KLF17: variants seen among roughly 807,000 people sequenced by gnomAD.
The protein encoded by KLF17 is Krueppel-like factor 17.
Under a neutral mutation model 34.2 loss-of-function variants are expected in KLF17, and 31 were observed. The observed-to-expected ratio is 0.91, with a 90% CI of 0.68 to 1.22. The LOEUF (loss-of-function observed/expected upper bound fraction) is 1.22, where lower values mean the gene tolerates loss of function less well. KLF17 is among the 50% of genes most tolerant of loss of function. The pLI is 0.00. For synonymous variants in KLF17, 179 were observed against 186.7 expected, an observed-to-expected ratio of 0.96 and a Z score of 0.34; for missense variants, 478 against 505.2, an observed-to-expected ratio of 0.95 and a Z score of 0.52.
chr1:44,117,248 C>A (rs2087889101), upstream of KLF17: 1 of 152,064 alleles, frequency 6.6e-6, no homozygotes, highest in Admixed American at 6.6e-5. Context: ...GGTGGTGCCC[C>A]ACTCCTGGGA....
the KLF17 span, among the ~76,000 whole-genome samples, chr1:44,058,821 G>A: frequency 2.8e-3 from 430 of 151,718 alleles, 2 homozygotes; most frequent in African/African-American, 0.01. Context: ...GAAGAGACAC[G>A]TAGAATGCTC....
chr1:44,127,658 C>CTT (rs879618450), intron 1 of KLF17, among the ~76,000 whole-genome samples: 2,197 of 42,080 alleles, frequency 0.052, 82 homozygotes, highest in Non-Finnish European at 0.079. Context: ...TTCTTTCTTT[C>CTT]TTTCTTTCTT....
At chr1:44,091,787 C>T in the KLF17 span, among the ~76,000 whole-genome samples, 3 of 151,434 alleles carry the variant, frequency 2.0e-5, no homozygotes, top group African/African-American at 4.8e-5. Context: ...GGGACCTTAA[C>T]GGTTCTTGAA....
chr1:44,106,067 C>G, the KLF17 span, among the ~76,000 whole-genome samples: 75 of 152,044 alleles, frequency 4.9e-4, 3 homozygotes, highest in South Asian at 0.015. Context: ...AGCAAGCCAT[C>G]CTGCCAGTTT....
At chr1:44,052,031 C>A in the KLF17 span, 1 of 152,132 alleles carries the variant, frequency 6.6e-6, no homozygotes, top group Non-Finnish European at 1.5e-5. Context: ...TTAGAAGTGT[C>A]CAAATTCTTA....
the KLF17 span, among the ~76,000 whole-genome samples, chr1:44,078,100 A>T: frequency 6.6e-6 from 1 of 152,174 alleles, no homozygotes; most frequent in Admixed American, 6.5e-5. Flanking sequence ...AGTTTACTTT[A>T]ATTTGGCAAA....
the KLF17 span, among the ~76,000 whole-genome samples, chr1:44,111,923 C>T: frequency 8.8e-3 from 1,333 of 152,162 alleles, 21 homozygotes; most frequent in African/African-American, 0.03. Context: ...AAGAAATAAA[C>T]GTTGGTACAA....
rs1428973194 is a variant in KLF17, at chr1:44,118,979, G to A, written c.72G>A (p.Gln24=). The A allele has an allele frequency of 6.2e-7, 1 of 1,607,826 alleles. No homozygotes were observed. Among genetic ancestry groups the A allele is most frequent in the Admixed American group, 1.7e-5 (1 of 59,482 alleles). Residue 24 remains glutamine, a synonymous_variant, in exon 1 of 4, where the codon CAG becomes CAA. Transcript: ENST00000372299. Reference sequence around the variant, plus strand: ...TGAGCCGGTGGCAGGCGGCGCACCAGGCTGCCCAGGTGAGTCAGGTGCCAG... The same window carrying A: ...TGAGCCGGTGGCAGGCGGCGCACCAAGCTGCCCAGGTGAGTCAGGTGCCAG... ...GELSRWQAAH[Q]AAQDNENSAP...
chr1:44,104,294 C>G, the KLF17 span: 1 of 1,585,512 alleles, frequency 6.3e-7, no homozygotes, highest in Non-Finnish European at 8.6e-7. Context: ...CCGTCTCCAG[C>G]TTCAGCTTCT....
At chr1:44,088,135 T>C in the KLF17 span, 1 of 110,446 alleles carries the variant, frequency 9.1e-6, no homozygotes, top group African/African-American at 4.3e-5. Flanking sequence ...TTATTTATTT[T>C]TGAGGCAGGG....
chr1:44,124,744 C>G (rs558439366), intron 1 of KLF17, among the ~76,000 whole-genome samples: 3 of 152,236 alleles, frequency 2.0e-5, no homozygotes, highest in African/African-American at 7.2e-5. Flanking sequence ...GATCCACCCA[C>G]CTCGGTCTCC....
chr1:44,063,775 G>A, the KLF17 span, among the ~76,000 whole-genome samples: 8 of 152,274 alleles, frequency 5.3e-5, no homozygotes, highest in Admixed American at 5.2e-4. Context: ...GACCGTAAGG[G>A]CCATACCTAT....
At chr1:44,044,355 G>A in the KLF17 span, among the ~76,000 whole-genome samples, 19 of 152,372 alleles carry the variant, frequency 1.2e-4, no homozygotes, top group East Asian at 3.7e-3. Flanking sequence ...GGGTGACTCA[G>A]GGTTTGAGGG....
chr1:44,073,683 G>A, the KLF17 span, among the ~76,000 whole-genome samples: 3 of 152,044 alleles, frequency 2.0e-5, no homozygotes, highest in African/African-American at 7.2e-5. Flanking sequence ...GCTGGCCCTG[G>A]CTGGGAGGGA....
chr1:44,131,841 A>T (rs2906695), intron 3 of KLF17, among the ~76,000 whole-genome samples: 3,103 of 152,026 alleles, frequency 0.02, 104 homozygotes, highest in African/African-American at 0.071. Context: ...ATTACAGGCA[A>T]GCACCACCAC....
At chr1:44,057,844 GGAGCTGCC>G in the KLF17 span, among the ~76,000 whole-genome samples, 2 of 152,146 alleles carry the variant, frequency 1.3e-5, no homozygotes, top group South Asian at 4.1e-4. Context: ...AATGACCCAG[GGAGCTGCC>G]CATACCCTCA....
At chr1:44,077,682 T>C in the KLF17 span, among the ~76,000 whole-genome samples, 1 of 152,224 alleles carries the variant, frequency 6.6e-6, no homozygotes, top group African/African-American at 2.4e-5. Context: ...AAAACCTTCA[T>C]GGAGTTTCTC....
the KLF17 span, among the ~76,000 whole-genome samples, chr1:44,100,311 TGGGTCGGATG>T: frequency 6.7e-6 from 1 of 149,992 alleles, no homozygotes; most frequent in Non-Finnish European, 1.5e-5. Flanking sequence ...TGACCCATAC[TGGGTCGGATG>T]GGGTAGAAAG....
At chr1:44,120,851 G>T (rs1306126168) in intron 1 of KLF17, among the ~76,000 whole-genome samples, 5 of 152,116 alleles carry the variant, frequency 3.3e-5, no homozygotes, top group African/African-American at 1.2e-4. Context: ...GGGCATGGTG[G>T]CTCACACCTG....
Sources: allele counts gnomAD v4.1 joint callset (sites outside exome capture counted in the v4.1 genomes callset), GRCh38; gene constraint gnomAD v4.1.1; transcripts MANE v1.5; gene names NCBI Gene and HGNC (gene_info 2026-07-23, HGNC 2026-07-21).